Variants in CA12 observed in about 807,000 individuals in gnomAD.
The protein encoded by CA12 is carbonic anhydrase 12.
A neutral mutation model predicts 46.8 loss-of-function variants in CA12; 36 were observed. The observed-to-expected ratio is 0.77, with a 90% confidence interval of 0.59 to 1.02. CA12 has a LOEUF of 1.02. Ranked by LOEUF, CA12 falls within the 50% of genes least tolerant of loss-of-function variation. CA12 has a pLI of 0.00. For synonymous variants in CA12, 202 were observed against 187.0 expected, an observed-to-expected ratio of 1.08 and a Z score of -0.65; for missense variants, 436 against 451.4, an observed-to-expected ratio of 0.97 and a Z score of 0.31.
In CA12 at chr15:63,369,699, G is replaced by A. The variant is rs145857281; in HGVS notation, c.106+5959C>T. The stretch of plus-strand genomic sequence containing the variant: ...CTCATCTTGTAGCTAAGGAACCAAG[G>A]CTCAGAGAGGTCATTACTTTCCTAA... On this transcript the variant is annotated intron_variant, in intron 2 of 10. Transcript: ENST00000178638. 5.4e-3 allele frequency among the ~76,000 whole-genome samples: 821 copies of A among 152,286 alleles called. 4 individuals carry two copies. Among genetic ancestry groups the A allele is most frequent in the African/African-American group, 0.019 (770 of 41,552 alleles).
Position 63,348,396 on chromosome 15 carries a change from C to G in CA12, c.107-1687G>C, listed in dbSNP as rs2039181568. On this transcript the variant is annotated intron_variant, in intron 2 of 10. Coordinates refer to ENST00000178638, the MANE Select transcript of CA12 (RefSeq NM_001218.5). The surrounding 1 kb of genome is among the most constrained non-coding windows in gnomAD (Gnocchi z 4.6). ...ACTCCAGGGCCAAACTGGAGTAAGA[C>G]AATTATTCAGCTGGGGGCCAAACCG... Among the ~76,000 whole-genome samples, 3 of 152,124 alleles carry G rather than the reference C, an allele frequency of 2.0e-5. No homozygotes were observed. The highest frequency in any genetic ancestry group is 2.0e-4 in the Admixed American group (3 of 15,270).
At chr15:63,326,617 C>G (rs2038870533) in intron 10 of CA12, among the ~76,000 whole-genome samples, 1 of 152,096 alleles carries the variant, frequency 6.6e-6, no homozygotes, top group African/African-American at 2.4e-5. Flanking sequence ...GTTGTCACCC[C>G]CCTCTTCAAA....
chr15:63,365,949 G>C (rs939217858), intron 2 of CA12, among the ~76,000 whole-genome samples: 34 of 152,066 alleles, frequency 2.2e-4, no homozygotes, highest in African/African-American at 8.2e-4. Context: ...GACCAGCCTG[G>C]CCAACATGGT....
rs770449156 is a variant in CA12, at chr15:63,326,250, G to A, written c.*35C>T. ...CGAAGTGTGTAGGGTCCAAAGCAAG[G>A]TCCTTCCTGGATGTGCCCGGGAGCT... On this transcript the variant is annotated 3_prime_UTR_variant, in exon 11 of 11. Coordinates refer to ENST00000178638, the MANE Select transcript of CA12 (RefSeq NM_001218.5). 3 of 1,560,172 alleles carry A rather than the reference G, an allele frequency of 1.9e-6. No homozygotes were observed. Among genetic ancestry groups the A allele is most frequent in the Admixed American group, 3.3e-5 (2 of 59,958 alleles).
chr15:63,351,100 A>G (rs1191229279), intron 2 of CA12, among the ~76,000 whole-genome samples: 1 of 152,142 alleles, frequency 6.6e-6, no homozygotes, highest in Non-Finnish European at 1.5e-5. Flanking sequence ...CAGTCCATAT[A>G]TTTTTTGCAA....
At chr15:63,361,404 G>A (rs1265646994) in intron 2 of CA12, among the ~76,000 whole-genome samples, 3 of 152,186 alleles carry the variant, frequency 2.0e-5, no homozygotes, top group Non-Finnish European at 4.4e-5. Context: ...TTCAACTGGG[G>A]CGATTTTGCC....
chr15:63,364,332 G>GAAAAAAAAAAAAAAAAAAA lies in CA12; in HGVS notation c.106+11307_106+11325dup, dbSNP rs34673043. Among the ~76,000 whole-genome samples, 9 of 56,118 alleles carry GAAAAAAAAAAAAAAAAAAA rather than the reference G, an allele frequency of 1.6e-4. 3 individuals are homozygous for GAAAAAAAAAAAAAAAAAAA. The highest frequency in any genetic ancestry group is 1.7e-3 in the East Asian group (2 of 1,208). The allele number at this position is 56,118 out of a possible 152,430, so 36.8% of individuals were successfully genotyped here. On this transcript the variant is annotated intron_variant, in intron 2 of 10. Transcript: ENST00000178638. ...GTGAAACAGTGAAACCCCGTCACTA[G>GAAAAAAAAAAAAAAAAAAA]AAAAAAAAAAAAAAAAAAAAAAACA...
Position 63,325,949 on chromosome 15 carries a change from C to G in CA12, c.*336G>C, listed in dbSNP as rs1448212410. Reference sequence around the variant, plus strand: ...TTGAAAGCACGCTCTGGCAAAGCCCCGGATGAAAGTGTTTTCCAACCATTA... The same window carrying G: ...TTGAAAGCACGCTCTGGCAAAGCCCGGGATGAAAGTGTTTTCCAACCATTA... On this transcript the variant is annotated 3_prime_UTR_variant, in exon 11 of 11. Transcript: ENST00000178638. The surrounding 1 kb of genome is among the most constrained non-coding windows in gnomAD (Gnocchi z 4.9). 3 of 329,482 alleles carry G rather than the reference C, an allele frequency of 9.1e-6. No homozygotes were observed. Among genetic ancestry groups the G allele is most frequent in the African/African-American group, 2.1e-5 (1 of 47,618 alleles). The allele number at this position is 329,482 out of a possible 1,614,324, so 20.4% of individuals were successfully genotyped here.
rs2039047440 is a variant in CA12, at chr15:63,339,489, C to T, written c.748-544G>A. The stretch of plus-strand genomic sequence containing the variant: ...GAGGTAGGATGTTGCTGCTTCCCCA[C>T]ATGTTTCATCCATCTCTTGGTTCAT... On this transcript the variant is annotated intron_variant, in intron 7 of 10. Transcript: ENST00000178638. The surrounding 1 kb of genome is among the most constrained non-coding windows in gnomAD (Gnocchi z 4.3). 6.6e-6 allele frequency among the ~76,000 whole-genome samples: 1 copy of T among 152,256 alleles called. No homozygotes were observed. The highest frequency in any genetic ancestry group is 1.5e-5 in the Non-Finnish European group (1 of 68,048).
rs1388478445 is a variant in CA12 at position 63,375,639 on chromosome 15, A to T, written c.106+19T>A. 2 of 1,488,704 alleles carry T rather than the reference A, an allele frequency of 1.3e-6. No homozygotes were observed. Among genetic ancestry groups the T allele is most frequent in the East Asian group, 4.5e-5 (2 of 44,240 alleles). The allele number at this position is 1,488,704 out of a possible 1,614,324, so 92.2% of individuals were successfully genotyped here. ...TCTATTTTCTTTTCAACAAAAAAGT[A>T]TTTAAAATCTCTACTTACCAAAATA... is the stretch of plus-strand genomic sequence containing the variant. On this transcript the variant is annotated intron_variant, in intron 2 of 10. Coordinates refer to ENST00000178638, the MANE Select transcript of CA12 (RefSeq NM_001218.5).
chr15:63,331,121 C>T lies in CA12; in HGVS notation c.875-2991G>A, dbSNP rs2038932847. Among the ~76,000 whole-genome samples the T allele has an allele frequency of 6.6e-6, 1 of 152,244 alleles. No homozygotes were observed. The highest frequency in any genetic ancestry group is 2.1e-4 in the South Asian group (1 of 4,834). On this transcript the variant is annotated intron_variant, in intron 8 of 10. Transcript: ENST00000178638. This position sits in a 1 kb window ranked among gnomAD's most constrained non-coding sequence, Gnocchi z 5.3. ...TGCCAATCGAGACAGCACCAACCAT[C>T]ATGGAGGCTCAGCTTCTTTGCAGAA...
chr15:63,342,672 C>A (rs1402685381), intron 4 of CA12, among the ~76,000 whole-genome samples: 1 of 152,072 alleles, frequency 6.6e-6, no homozygotes, highest in Non-Finnish European at 1.5e-5. Context: ...ATGGCCTGAA[C>A]TAGTTTTCAT....
chr15:63,357,728 G>A (rs2039312234), intron 2 of CA12, among the ~76,000 whole-genome samples: 1 of 151,968 alleles, frequency 6.6e-6, no homozygotes, highest in African/African-American at 2.4e-5. Context: ...GTAAAATTTA[G>A]TATATTCACG....
intron 2 of CA12, among the ~76,000 whole-genome samples, chr15:63,357,418 G>C (rs2039308945): frequency 1.3e-5 from 2 of 152,188 alleles, no homozygotes; most frequent in Non-Finnish European, 1.5e-5. Flanking sequence ...TGGCTACATA[G>C]TGGAATCTCC....
intron 4 of CA12, among the ~76,000 whole-genome samples, chr15:63,344,929 C>G (rs2039126395): frequency 6.6e-6 from 1 of 152,164 alleles, no homozygotes; most frequent in Admixed American, 6.5e-5. Context: ...CCTAGTGAGT[C>G]TGCTTGCCGT....
Position 63,345,743 on chromosome 15 carries a change from G to A in CA12, c.287-124C>T. 1 of 1,273,334 alleles carries A rather than the reference G, an allele frequency of 7.9e-7. No homozygotes were observed. The allele number at this position is 1,273,334 out of a possible 1,614,324, so 78.9% of individuals were successfully genotyped here. ...CCCTGGAGCCCAGAGAGAGGCAGGT[G>A]GATGGAGTGAGGTGCGGAGCAGAGA... On this transcript the variant is annotated intron_variant, in intron 3 of 10. Transcript: ENST00000178638. The surrounding 1 kb of genome is among the most constrained non-coding windows in gnomAD (Gnocchi z 4.3).
At position 63,375,692 on chromosome 15, in the gene CA12, A is replaced by T. The variant is rs1275188782; in HGVS notation, c.86-14T>A. 1 of 1,578,078 alleles carries T rather than the reference A, an allele frequency of 6.3e-7. No homozygotes were observed. Among genetic ancestry groups the T allele is most frequent in the Non-Finnish European group, 8.7e-7 (1 of 1,149,210 alleles). On this transcript the variant is annotated splice_polypyrimidine_tract_variant and intron_variant, in intron 1 of 10. Coordinates refer to ENST00000178638, the MANE Select transcript of CA12 (RefSeq NM_001218.5). ...TCCACTTGGAACCTACAAAGAACAA[A>T]ACACAGTAAGTAAGTACAATGGAAC...
In CA12 at chr15:63,361,727, T is replaced by G. The variant is rs61322604; in HGVS notation, c.106+13931A>C. Among the ~76,000 whole-genome samples the G allele has an allele frequency of 3.6e-3, 542 of 151,720 alleles. 4 individuals are homozygous for G. The highest frequency in any genetic ancestry group is 0.013 in the African/African-American group (518 of 41,314). On this transcript the variant is annotated intron_variant, in intron 2 of 10. Coordinates refer to ENST00000178638, the MANE Select transcript of CA12 (RefSeq NM_001218.5). ...AGTCGTTCTCTGGGGCAGGAAAGAG[T>G]GGTGGGAGAACACAGTCAGGAGGGA... is the stretch of plus-strand genomic sequence containing the variant.
At chr15:63,375,799 CTT>C in intron 1 of CA12, 121 bp from the exon 2 acceptor site, 2 of 655,762 alleles carry the variant, frequency 3.0e-6, no homozygotes, top group Non-Finnish European at 5.4e-6. Context: ...GAAATTGAAA[CTT>C]TTTCTTTTTC....
Sources: gnomAD v4.1 joint callset for allele counts (sites outside exome capture counted in the v4.1 genomes callset) on GRCh38, gnomAD v4.1.1 for gene constraint, Gnocchi (gnomAD v3.1) non-coding constraint, MANE v1.5 for transcripts, NCBI Gene and HGNC (gene_info 2026-07-23, HGNC 2026-07-21) for gene names.